The following SAP130 variants were observed in gnomAD, a reference collection of about 807,000 sequenced individuals.
The protein encoded by SAP130 is Sin3A associated protein 130, also known as histone deacetylase complex subunit SAP130.
SAP130 carries 16 observed loss-of-function variants against 103.2 expected under a neutral mutation model. That is an observed-to-expected ratio of 0.16 (90% CI 0.10 to 0.24). The LOEUF (loss-of-function observed/expected upper bound fraction) is 0.24, where lower values mean the gene tolerates loss of function less well. Among genes scored for constraint, SAP130 ranks in the 10% least tolerant of loss-of-function variants. The pLI, the probability that SAP130 is intolerant of heterozygous loss-of-function variation, is 1.00. For synonymous variants in SAP130, 477 were observed against 497.0 expected, an observed-to-expected ratio of 0.96 and a Z score of 0.53; for missense variants, 990 against 1,359.7, an observed-to-expected ratio of 0.73 and a Z score of 4.28.
Position 127,941,942 on chromosome 2 carries a change from C to CA in SAP130, c.*63_*64insT. ...TGTTCCACTTTGGAAAAAACCAAAACCCTCCCCCCACCCCCACCATCATTC... is the reference window on the plus strand; with the variant it reads ...TGTTCCACTTTGGAAAAAACCAAAACACCTCCCCCCACCCCCACCATCATTC... On this transcript the variant is annotated 3_prime_UTR_variant, in exon 21 of 21. Transcript: ENST00000643581. The CA allele has an allele frequency of 1.1e-5, 2 of 181,334 alleles. No homozygotes were observed. Among genetic ancestry groups the CA allele is most frequent in the Non-Finnish European group, 2.1e-5 (2 of 96,868 alleles). 11.2% of individuals were successfully genotyped at this position (181,334 alleles called of 1,614,324 possible).
At position 127,989,506 on chromosome 2, in the gene SAP130, T is replaced by A; in HGVS notation, c.1780+58A>T. 1 of 1,485,464 alleles carries A rather than the reference T, an allele frequency of 6.7e-7. No homozygotes were observed. The highest frequency in any genetic ancestry group is 9.1e-7 in the Non-Finnish European group (1 of 1,094,326). The allele number at this position is 1,485,464 out of a possible 1,614,324, so 92.0% of individuals were successfully genotyped here. ...CAAAGCCAGTGGCAGAGAAAGGATTTAAACCCAAATGTATTTCTTTTCTCC... is the reference window on the plus strand; with the variant it reads ...CAAAGCCAGTGGCAGAGAAAGGATTAAAACCCAAATGTATTTCTTTTCTCC... On this transcript the variant is annotated intron_variant, in intron 13 of 20. Coordinates refer to ENST00000643581, the MANE Select transcript of SAP130 (RefSeq NM_001330301.2). The surrounding 1 kb of genome is among the most constrained non-coding windows in gnomAD (Gnocchi z 4.6).
chr2:127,978,216 T>TA, intron 14 of SAP130, 127 bp from the exon 15 acceptor site: 1 of 655,630 alleles, frequency 1.5e-6, no homozygotes, highest in Non-Finnish European at 2.7e-6. Flanking sequence ...TAAGTATTTT[T>TA]AAAATGGATT....
intron 1 of SAP130, chr2:128,027,272 C>G: frequency 8.5e-7 from 1 of 1,172,332 alleles, no homozygotes. Context: ...GCCACCCGGC[C>G]GCCGCTGTGC....
intron 7 of SAP130, among the ~76,000 whole-genome samples, chr2:128,005,327 G>A (rs763864729): frequency 1.3e-5 from 2 of 152,078 alleles, no homozygotes; most frequent in Non-Finnish European, 2.9e-5. Context: ...TTACATAGGA[G>A]TGCAAAAAGA....
chr2:128,027,029 G>C, intron 1 of SAP130: 2 of 1,332,250 alleles, frequency 1.5e-6, no homozygotes, highest in East Asian at 5.6e-5. Context: ...CCCGTCTCCG[G>C]GGTGGGGGTG....
In SAP130 at chr2:127,986,683, T is replaced by G. The variant is rs1682417301; in HGVS notation, c.1958+102A>C. On this transcript the variant is annotated intron_variant, in intron 14 of 20. Transcript: ENST00000643581. This position sits in a 1 kb window ranked among gnomAD's most constrained non-coding sequence, Gnocchi z 4.7. Reference sequence around the variant, plus strand: ...GGAAATTTTAACACACCACAGAAAATGAGAGATGAGTTTGATACCAGCATT... The same window carrying G: ...GGAAATTTTAACACACCACAGAAAAGGAGAGATGAGTTTGATACCAGCATT... 1 of 1,275,444 alleles carries G rather than the reference T, an allele frequency of 7.8e-7. No homozygotes were observed. Among genetic ancestry groups the G allele is most frequent in the Non-Finnish European group, 1.1e-6 (1 of 908,788 alleles). 79.0% of individuals were successfully genotyped at this position (1,275,444 alleles called of 1,614,324 possible). A position where few individuals can be genotyped will look rare whatever the true frequency, so the allele number is the denominator to read the frequency against.
At chr2:127,969,537 A>T (rs1325532246) in intron 15 of SAP130, among the ~76,000 whole-genome samples, 1 of 152,182 alleles carries the variant, frequency 6.6e-6, no homozygotes, top group African/African-American at 2.4e-5. Context: ...AGATTGCTAG[A>T]GCTACCACAA....
intron 11 of SAP130, among the ~76,000 whole-genome samples, chr2:127,993,939 T>A (rs553448014): frequency 1.3e-5 from 2 of 152,222 alleles, no homozygotes; most frequent in East Asian, 3.9e-4. Context: ...GTTTTTGAGC[T>A]TAATATAGCC....
chr2:127,943,093 A>G (rs1015281212), intron 19 of SAP130, among the ~76,000 whole-genome samples: 2 of 152,240 alleles, frequency 1.3e-5, no homozygotes, highest in Non-Finnish European at 2.9e-5. Context: ...ATCTTCAAGG[A>G]TAACTTTTGA....
chr2:128,011,297 A>G (rs1434001022), intron 6 of SAP130, among the ~76,000 whole-genome samples: 1 of 152,216 alleles, frequency 6.6e-6, no homozygotes, highest in Non-Finnish European at 1.5e-5. Context: ...GAGTGCCCTT[A>G]TCACACTTAC....
intron 2 of SAP130, among the ~76,000 whole-genome samples, chr2:128,023,615 T>TA (rs1222293636): frequency 6.6e-6 from 1 of 151,874 alleles, no homozygotes; most frequent in Non-Finnish European, 1.5e-5. Context: ...CCGTCTCTAC[T>TA]AAAAAATACA....
At chr2:127,993,376 C>T in intron 11 of SAP130, 68 bp from the exon 12 acceptor site, 2 of 1,489,848 alleles carry the variant, frequency 1.3e-6, no homozygotes, top group Non-Finnish European at 9.0e-7. Flanking sequence ...TGATCCTATA[C>T]CCCAGTTCCT....
At chr2:127,975,645 A>G (rs1051425348) in intron 15 of SAP130, among the ~76,000 whole-genome samples, 2 of 152,214 alleles carry the variant, frequency 1.3e-5, no homozygotes, top group African/African-American at 4.8e-5. Context: ...TAGGAAAATG[A>G]ATTACTGCTA....
At chr2:127,963,449 C>T (rs577405294) in intron 15 of SAP130, among the ~76,000 whole-genome samples, 15 of 152,276 alleles carry the variant, frequency 9.9e-5, no homozygotes, top group Admixed American at 3.3e-4. Context: ...AAGCCGGTCT[C>T]GAACTCCTGG....
intron 14 of SAP130, among the ~76,000 whole-genome samples, chr2:127,981,502 C>G (rs1385047631): frequency 5.0e-5 from 6 of 119,358 alleles, no homozygotes; most frequent in Non-Finnish European, 8.6e-5. Flanking sequence ...TCACCCCGAC[C>G]CAGTCCTCTT....
In SAP130 at chr2:128,012,684, T is replaced by C. The variant is rs1338809862; in HGVS notation, c.744+346A>G. 2.0e-5 allele frequency among the ~76,000 whole-genome samples: 3 copies of C among 152,022 alleles called. No homozygotes were observed. The East Asian group carries it at 5.8e-4, about 29-fold the overall frequency. ...TATACATAGATATACACCTAACTTT[T>C]AGGAGTCCACAGATCCCCCCAATCC... On this transcript the variant is annotated intron_variant, in intron 6 of 20. Transcript: ENST00000643581.
At chr2:127,961,259 C>T (rs1014849647) in intron 15 of SAP130, among the ~76,000 whole-genome samples, 1 of 151,816 alleles carries the variant, frequency 6.6e-6, no homozygotes, top group South Asian at 2.1e-4. Context: ...CCTCCCCAAC[C>T]CCTCTAGCAG....
chr2:127,983,565 A>C (rs537111801), intron 14 of SAP130, among the ~76,000 whole-genome samples: 6 of 152,246 alleles, frequency 3.9e-5, no homozygotes, highest in Admixed American at 3.9e-4. Context: ...TAAAGCAAGA[A>C]GGCGTGGAGA....
intron 16 of SAP130, among the ~76,000 whole-genome samples, chr2:127,954,172 GT>G (rs755253485): frequency 6.6e-6 from 1 of 152,230 alleles, no homozygotes. Context: ...AGTGCCAAGG[GT>G]AAATATACCC....
Sources: allele counts gnomAD v4.1 joint callset (sites outside exome capture counted in the v4.1 genomes callset), GRCh38; gene constraint gnomAD v4.1.1; non-coding constraint Gnocchi (gnomAD v3.1); transcripts MANE v1.5; gene names NCBI Gene and HGNC (gene_info 2026-07-23, HGNC 2026-07-21).